Variants in KCTD8 observed in about 807,000 individuals in gnomAD.
KCTD8 encodes potassium channel tetramerization domain containing 8, also known as BTB/POZ domain-containing protein KCTD8.
In KCTD8, 27 loss-of-function variants were observed where a neutral mutation model predicts 31.5. That is an observed-to-expected ratio of 0.86 (90% CI 0.63 to 1.18). The LOEUF (loss-of-function observed/expected upper bound fraction) is 1.18. KCTD8 is among the 50% of genes most tolerant of loss of function. KCTD8 has a pLI of 0.00. For missense variants in KCTD8, 658 were observed against 647.7 expected (o/e 1.02, Z -0.17); for synonymous variants, 290 against 280.0 (o/e 1.04, Z -0.36).
At chr4:44,377,839 T>G (rs561295612) in intron 1 of KCTD8, among the ~76,000 whole-genome samples, 10 of 152,276 alleles carry the variant, frequency 6.6e-5, no homozygotes, top group South Asian at 4.1e-4. Flanking sequence ...ATATTACGTC[T>G]TCTTCTTTCC....
chr4:44,237,125 G>A (rs923759495), intron 1 of KCTD8, among the ~76,000 whole-genome samples: 1 of 152,122 alleles, frequency 6.6e-6, no homozygotes. Context: ...TGAAACTAAA[G>A]CTAAAAAGCT....
chr4:44,348,489 G>A (rs917373354), intron 1 of KCTD8, among the ~76,000 whole-genome samples: 6 of 152,144 alleles, frequency 3.9e-5, no homozygotes, highest in African/African-American at 1.4e-4. Context: ...CAAGTTAAGT[G>A]TGTATGTACC....
chr4:44,360,224 T>G (rs1349495190), intron 1 of KCTD8, among the ~76,000 whole-genome samples: 1 of 152,010 alleles, frequency 6.6e-6, no homozygotes, highest in African/African-American at 2.4e-5. Flanking sequence ...CCAACTGTTT[T>G]ACACACACCA....
At chr4:44,416,294 A>T (rs1006374788) in intron 1 of KCTD8, among the ~76,000 whole-genome samples, 1 of 152,222 alleles carries the variant, frequency 6.6e-6, no homozygotes, top group African/African-American at 2.4e-5. Context: ...TTTTACAGGC[A>T]CAGAGGTGGA....
rs572712977 is a variant in KCTD8, at chr4:44,233,939, T to C, written c.962-58689A>G. On this transcript the variant is annotated intron_variant, in intron 1 of 1. Transcript: ENST00000360029. ...GTATTTTCTACTAGCTTCATGGCCA[T>C]GAAAAAACTGCTTAGCTCTGTGCCT... Among the ~76,000 whole-genome samples the C allele has an allele frequency of 2.6e-5, 4 of 152,268 alleles. No individual in the cohort carries two copies. In the South Asian group the frequency reaches 6.2e-4, roughly 24 times the overall value.
At chr4:44,227,861 C>T (rs1013448237) in intron 1 of KCTD8, among the ~76,000 whole-genome samples, 1 of 152,124 alleles carries the variant, frequency 6.6e-6, no homozygotes, top group African/African-American at 2.4e-5. Context: ...AGCACCTACA[C>T]CCTTCATCCA....
chr4:44,301,281 G>A (rs1717611749), intron 1 of KCTD8, among the ~76,000 whole-genome samples: 3 of 152,140 alleles, frequency 2.0e-5, no homozygotes, highest in Admixed American at 6.5e-5. Flanking sequence ...AGATCCCTGA[G>A]GAATCGCCAC....
At chr4:44,231,525 C>G (rs1338447811) in intron 1 of KCTD8, among the ~76,000 whole-genome samples, 1 of 152,056 alleles carries the variant, frequency 6.6e-6, no homozygotes, top group African/African-American at 2.4e-5. Context: ...ATCCTATTTT[C>G]TCAAAAATGA....
intron 1 of KCTD8, among the ~76,000 whole-genome samples, chr4:44,319,426 A>G (rs2044706404): frequency 6.6e-6 from 1 of 152,012 alleles, no homozygotes; most frequent in African/African-American, 2.4e-5. Flanking sequence ...AACAGAGATC[A>G]AAGTAGAGGA....
intron 1 of KCTD8, among the ~76,000 whole-genome samples, chr4:44,381,133 T>C (rs1720052613): frequency 6.6e-6 from 1 of 152,066 alleles, no homozygotes; most frequent in African/African-American, 2.4e-5. Context: ...TTAGGAGCAT[T>C]CACAATTATT....
At chr4:44,270,536 TATA>T (rs1185907404) in intron 1 of KCTD8, among the ~76,000 whole-genome samples, 1 of 151,806 alleles carries the variant, frequency 6.6e-6, no homozygotes, top group South Asian at 2.1e-4. Flanking sequence ...AAACTTAAAG[TATA>T]ATAATAATAA....
intron 1 of KCTD8, among the ~76,000 whole-genome samples, chr4:44,410,699 G>A (rs1720932662): frequency 6.6e-6 from 1 of 152,044 alleles, no homozygotes; most frequent in South Asian, 2.1e-4. Context: ...AGGCAAAAAA[G>A]AGCTTGAGGA....
intron 1 of KCTD8, among the ~76,000 whole-genome samples, chr4:44,242,040 C>T (rs1161702640): frequency 6.6e-6 from 1 of 152,168 alleles, no homozygotes; most frequent in Non-Finnish European, 1.5e-5. Flanking sequence ...TTTTTGTGAT[C>T]ACTCCAGCTG....
intron 1 of KCTD8, among the ~76,000 whole-genome samples, chr4:44,221,345 GCA>G (rs1385108981): frequency 7.2e-6 from 1 of 139,024 alleles, no homozygotes; most frequent in Admixed American, 7.3e-5. Flanking sequence ...GTGTGTGTGT[GCA>G]TGTGTGTGTG....
rs80050593 is a variant in KCTD8 at position 44,441,921 on chromosome 4, T to A, written c.961+5642A>T. Among the ~76,000 whole-genome samples, 1,082 of 152,290 alleles carry A rather than the reference T, an allele frequency of 7.1e-3. 10 individuals are homozygous for A. The highest frequency in any genetic ancestry group is 0.024 in the African/African-American group (1,018 of 41,572). ...ATTTATAAAACTGTGGCAATGTATATGTATTGTACTTTTGTTATTTAAGAT... is the reference window on the plus strand; with the variant it reads ...ATTTATAAAACTGTGGCAATGTATAAGTATTGTACTTTTGTTATTTAAGAT... On this transcript the variant is annotated intron_variant, in intron 1 of 1. Transcript: ENST00000360029.
intron 1 of KCTD8, among the ~76,000 whole-genome samples, chr4:44,327,632 T>C (rs1309188038): frequency 6.6e-6 from 1 of 151,672 alleles, no homozygotes; most frequent in Non-Finnish European, 1.5e-5. Context: ...TTTATTTAGA[T>C]ATTTATAAAA....
chr4:44,261,582 A>G (rs868534492), intron 1 of KCTD8, among the ~76,000 whole-genome samples: 1 of 151,908 alleles, frequency 6.6e-6, no homozygotes, highest in Non-Finnish European at 1.5e-5. Context: ...TTTGACCAAC[A>G]TTTCCACATT....
intron 1 of KCTD8, among the ~76,000 whole-genome samples, chr4:44,296,510 T>C: frequency 6.6e-6 from 1 of 152,286 alleles, no homozygotes; most frequent in Middle Eastern, 3.4e-3. Flanking sequence ...AATTGATATA[T>C]TAATGGCTTA....
chr4:44,253,186 A>G (rs1188699661), intron 1 of KCTD8, among the ~76,000 whole-genome samples: 2 of 151,706 alleles, frequency 1.3e-5, no homozygotes, highest in African/African-American at 4.8e-5. Context: ...CTTTCCATAA[A>G]ATCAGTTTTA....
Sources: allele counts gnomAD v4.1 joint callset (sites outside exome capture counted in the v4.1 genomes callset), GRCh38; gene constraint gnomAD v4.1.1; transcripts MANE v1.5; gene names NCBI Gene and HGNC (gene_info 2026-07-23, HGNC 2026-07-21).